Variants in UGT1A5 observed in about 807,000 individuals in gnomAD.
UGT1A5 encodes UDP-glucuronosyltransferase 1A5.
A neutral mutation model predicts 40.3 loss-of-function variants in UGT1A5; 29 were observed. That is an observed-to-expected ratio of 0.72 (90% CI 0.54 to 0.98). The LOEUF (loss-of-function observed/expected upper bound fraction) is 0.98. Ranked by LOEUF, UGT1A5 falls within the 50% of genes least tolerant of loss-of-function variation. The pLI, the probability that UGT1A5 is intolerant of heterozygous loss-of-function variation, is 0.00. For missense variants in UGT1A5, 678 were observed against 677.9 expected, an observed-to-expected ratio of 1.00 and a Z score of 0.00; for synonymous variants, 257 against 262.5, an observed-to-expected ratio of 0.98 and a Z score of 0.20.
At chr2:233,755,038 C>T (rs751084795) in intron 1 of UGT1A5, 123 of 1,320,106 alleles carry the variant, frequency 9.3e-5, no homozygotes, top group Admixed American at 3.2e-4. Flanking sequence ...CTGCCGCCTG[C>T]GCAGCCGCCC....
intron 1 of UGT1A5, among the ~76,000 whole-genome samples, chr2:233,764,100 A>T (rs549144830): frequency 7.2e-5 from 11 of 152,262 alleles, no homozygotes; most frequent in Non-Finnish European, 1.6e-4. Context: ...AACTAAAAAT[A>T]CAAAATTCTT....
chr2:233,741,224 C>T lies in UGT1A5; in HGVS notation c.868-25810C>T, dbSNP rs565131356. ...AAAACTAGCCAGAGTTGTTACAGAC[C>T]CACTACCTCTGAGTGACACTGGTAT... On this transcript the variant is annotated intron_variant, in intron 1 of 4. Transcript: ENST00000373414. Among the ~76,000 whole-genome samples, 4 of 151,908 alleles carry T rather than the reference C, an allele frequency of 2.6e-5. No individual in the cohort carries two copies. The South Asian group carries it at 8.3e-4, about 32-fold the overall frequency.
At chr2:233,729,119 C>T in intron 1 of UGT1A5, 2 of 1,613,028 alleles carry the variant, frequency 1.2e-6, no homozygotes, top group East Asian at 2.2e-5. Context: ...TCCGTGTCTT[C>T]TGCTGAGATG....
At chr2:233,741,284 A>G (rs1443656037) in intron 1 of UGT1A5, among the ~76,000 whole-genome samples, 2 of 151,828 alleles carry the variant, frequency 1.3e-5, no homozygotes, top group South Asian at 2.1e-4. Flanking sequence ...AATGGGATTT[A>G]TGTACCCAAT....
intron 1 of UGT1A5, among the ~76,000 whole-genome samples, chr2:233,731,764 G>C (rs533999102): frequency 6.6e-6 from 1 of 152,196 alleles, no homozygotes; most frequent in East Asian, 1.9e-4. Context: ...TGTGTCCTTA[G>C]AGTAGTATCA....
chr2:233,772,420 C>T lies in UGT1A5; in HGVS notation c.1466C>T (p.Ser489Phe), dbSNP rs72551360. ...GACCTCACCTGGTACCAGTACCATT[C>T]CTTGGACGTGATTGGTTTCCTCTTG... ...AHDLTWYQYHSLDVIGFLLAV... is the reference protein window; with the variant it reads ...AHDLTWYQYHFLDVIGFLLAV... Residue 489 changes from serine (S) to phenylalanine (F), a missense_variant, in exon 5 of 5, where the codon TCC becomes TTC. By Grantham distance (155) the Ser-to-Phe change is radical. Coordinates refer to ENST00000373414, the MANE Select transcript of UGT1A5 (RefSeq NM_019078.2). The T allele has an allele frequency of 2.3e-5, 37 of 1,614,120 alleles. No homozygotes were observed. Among genetic ancestry groups the T allele is most frequent in the African/African-American group, 8.0e-5 (6 of 74,942 alleles).
At chr2:233,766,480 T>C (rs1299744322) in intron 1 of UGT1A5, among the ~76,000 whole-genome samples, 1 of 152,128 alleles carries the variant, frequency 6.6e-6, no homozygotes, top group African/African-American at 2.4e-5. Flanking sequence ...AGGCACATGA[T>C]GGGGGCGTGG....
chr2:233,730,050 A>G (rs763653483), intron 1 of UGT1A5: 3 of 1,612,234 alleles, frequency 1.9e-6, no homozygotes, highest in Non-Finnish European at 1.7e-6. Context: ...TTTTAAAAAA[A>G]TGTATTTATT....
At chr2:233,747,952 A>G in intron 1 of UGT1A5, 2 of 1,613,280 alleles carry the variant, frequency 1.2e-6, no homozygotes, top group Non-Finnish European at 1.7e-6. Flanking sequence ...TCAGTGGTGG[A>G]TCTTCTCAGC....
In UGT1A5 at chr2:233,722,021, C is replaced by T. The variant is rs991627062; in HGVS notation, c.867+8163C>T. On this transcript the variant is annotated intron_variant, in intron 1 of 4. Coordinates refer to ENST00000373414, the MANE Select transcript of UGT1A5 (RefSeq NM_019078.2). ...TTTAAGTGAACAGGAAAACTGAAAC[C>T]TCTTGAATTGCATGATTTTGTGGTG... 3.6e-5 allele frequency: 9 copies of T among 248,092 alleles called. No homozygotes were observed. In the Admixed American group the frequency reaches 3.8e-4, roughly 10 times the overall value. 15.4% of individuals were successfully genotyped at this position (248,092 alleles called of 1,614,324 possible).
intron 4 of UGT1A5, chr2:233,771,145 C>T (rs1356050343): frequency 6.6e-6 from 1 of 152,246 alleles, no homozygotes; most frequent in Non-Finnish European, 1.5e-5. Context: ...AAACACCTCC[C>T]ACCAGGCCCC....
At position 233,712,952 on chromosome 2, in the gene UGT1A5, A is replaced by G. The variant is rs1036580894; in HGVS notation, c.-40A>G. Reference sequence around the variant, plus strand: ...GAAGGAAACAATTCTAGGAGGCACAACGTGGGGTGGACAGTCAGCTGTCGG... The same window carrying G: ...GAAGGAAACAATTCTAGGAGGCACAGCGTGGGGTGGACAGTCAGCTGTCGG... On this transcript the variant is annotated 5_prime_UTR_variant, in exon 1 of 5. Transcript: ENST00000373414. 10 of 1,612,796 alleles carry G rather than the reference A, an allele frequency of 6.2e-6. No homozygotes were observed. The highest frequency in any genetic ancestry group is 7.6e-6 in the Non-Finnish European group (9 of 1,180,026).
intron 1 of UGT1A5, among the ~76,000 whole-genome samples, chr2:233,724,344 C>A (rs2077229957): frequency 6.9e-6 from 1 of 144,926 alleles, no homozygotes; most frequent in Non-Finnish European, 1.5e-5. Context: ...GGGCTGACCC[C>A]CCCCACCTCC....
intron 1 of UGT1A5, among the ~76,000 whole-genome samples, chr2:233,750,994 C>T (rs1482728432): frequency 6.6e-6 from 1 of 151,790 alleles, no homozygotes; most frequent in Non-Finnish European, 1.5e-5. Context: ...AGGCGGCCAC[C>T]ATCCTCCAGA....
intron 1 of UGT1A5, among the ~76,000 whole-genome samples, chr2:233,725,186 A>G (rs1269507172): frequency 2.2e-4 from 19 of 86,472 alleles, no homozygotes; most frequent in Admixed American, 2.0e-4. Context: ...GGGGAGAGGC[A>G]GAGGCAGAGG....
At chr2:233,714,671 C>T (rs1376382051) in intron 1 of UGT1A5, among the ~76,000 whole-genome samples, 2 of 152,144 alleles carry the variant, frequency 1.3e-5, no homozygotes, top group Non-Finnish European at 2.9e-5. Context: ...AGATGTATCC[C>T]AAATATTATC....
At chr2:233,755,183 C>G (rs564578980) in intron 1 of UGT1A5, 175 of 1,199,670 alleles carry the variant, frequency 1.5e-4, no homozygotes, top group Middle Eastern at 2.2e-4. Context: ...CGGGGTGCCA[C>G]TTGAGCGCCA....
intron 1 of UGT1A5, chr2:233,747,527 T>C: frequency 6.2e-7 from 1 of 1,605,936 alleles, no homozygotes; most frequent in Non-Finnish European, 8.5e-7. Flanking sequence ...AAACAGAACA[T>C]TTTCTGAAGA....
intron 1 of UGT1A5, among the ~76,000 whole-genome samples, chr2:233,724,860 T>G (rs1312826202): frequency 3.2e-5 from 4 of 126,790 alleles, no homozygotes; most frequent in Non-Finnish European, 6.4e-5. Flanking sequence ...CTGGGAGGTG[T>G]AGGTTGTAGT....
Sources: gnomAD v4.1 joint callset for allele counts (sites outside exome capture counted in the v4.1 genomes callset) on GRCh38, gnomAD v4.1.1 for gene constraint, MANE v1.5 for transcripts, NCBI Gene and HGNC (gene_info 2026-07-23, HGNC 2026-07-21) for gene names.